The following GRAMD1C variants were observed in gnomAD, a reference collection of about 807,000 sequenced individuals.
GRAMD1C encodes the protein protein Aster-C.
Under a neutral mutation model 97.8 loss-of-function variants are expected in GRAMD1C, and 89 were observed. The ratio of observed to expected loss-of-function variants is 0.91; its 90% CI spans 0.77 to 1.09. The LOEUF (loss-of-function observed/expected upper bound fraction) is 1.09, where lower values mean the gene tolerates loss of function less well. GRAMD1C is among the 50% of genes least tolerant of loss of function. GRAMD1C has a pLI of 0.00. For synonymous variants in GRAMD1C, 256 were observed against 267.0 expected, an observed-to-expected ratio of 0.96 and a Z score of 0.40; for missense variants, 740 against 766.4, an observed-to-expected ratio of 0.97 and a Z score of 0.41.
intron 13 of GRAMD1C, among the ~76,000 whole-genome samples, chr3:113,935,006 G>C (rs1300122036): frequency 6.6e-6 from 1 of 152,140 alleles, no homozygotes; most frequent in Admixed American, 6.6e-5. Flanking sequence ...CTCCCAAAAT[G>C]CTGGGATTAC....
At chr3:113,913,566 G>T (rs930853959) in intron 9 of GRAMD1C, among the ~76,000 whole-genome samples, 1 of 152,084 alleles carries the variant, frequency 6.6e-6, no homozygotes, top group Non-Finnish European at 1.5e-5. Flanking sequence ...TTGCACAGGA[G>T]CTCTGATCAC....
At chr3:113,925,292 A>AT (rs1937195207) in intron 10 of GRAMD1C, among the ~76,000 whole-genome samples, 1 of 152,190 alleles carries the variant, frequency 6.6e-6, no homozygotes, top group Non-Finnish European at 1.5e-5. Flanking sequence ...GATCGAGACC[A>AT]TCCTGGCTAA....
intron 3 of GRAMD1C, among the ~76,000 whole-genome samples, chr3:113,872,643 C>T (rs1232409815): frequency 6.6e-6 from 1 of 151,100 alleles, no homozygotes; most frequent in Non-Finnish European, 1.5e-5. Flanking sequence ...GATCTTCCTG[C>T]CTTGGCCTCC....
At chr3:113,933,922 A>C (rs1301345551) in intron 12 of GRAMD1C, among the ~76,000 whole-genome samples, 2 of 152,174 alleles carry the variant, frequency 1.3e-5, no homozygotes, top group Non-Finnish European at 2.9e-5. Flanking sequence ...CAATCCATTG[A>C]CCAGAACCAG....
intron 5 of GRAMD1C, among the ~76,000 whole-genome samples, chr3:113,880,972 CTAA>C (rs1031327892): frequency 1.3e-5 from 2 of 152,018 alleles, no homozygotes; most frequent in African/African-American, 4.8e-5. Flanking sequence ...TTCTGTACTA[CTAA>C]ATATTCACCC....
chr3:113,915,904 C>T, intron 10 of GRAMD1C, 66 bp downstream of exon 10: 2 of 1,199,026 alleles, frequency 1.7e-6, no homozygotes, highest in Non-Finnish European at 1.2e-6. Flanking sequence ...GAATATTGAG[C>T]ATATATAAAC....
chr3:113,909,644 T>G (rs1337041692), intron 9 of GRAMD1C, among the ~76,000 whole-genome samples: 6 of 152,176 alleles, frequency 3.9e-5, no homozygotes, highest in African/African-American at 1.4e-4. Flanking sequence ...CTTAGCAAGG[T>G]TTTTCTAAAC....
chr3:113,915,625 C>T (rs1304527321), intron 9 of GRAMD1C, 76 bp from the exon 10 acceptor site: 24 of 1,161,492 alleles, frequency 2.1e-5, no homozygotes, highest in Non-Finnish European at 2.5e-5. Flanking sequence ...AAAGAAAACC[C>T]CACGAAACCC....
In GRAMD1C at chr3:113,932,239, T is replaced by C. The variant is rs1425019287; in HGVS notation, c.1210-1272T>C. Among the ~76,000 whole-genome samples, 3 of 152,186 alleles carry C rather than the reference T, an allele frequency of 2.0e-5. No individual in the cohort carries two copies. The East Asian group carries it at 5.8e-4, about 29-fold the overall frequency. On this transcript the variant is annotated intron_variant, in intron 11 of 17. Coordinates refer to ENST00000358160, the MANE Select transcript of GRAMD1C (RefSeq NM_017577.5). ...AAGAGCAAACAAATGGACAAAACAA[T>C]AGTTTTGTTCATTATCATTAAAAAG...
At chr3:113,905,648 TATA>T (rs1000433257) in intron 8 of GRAMD1C, among the ~76,000 whole-genome samples, 3 of 152,270 alleles carry the variant, frequency 2.0e-5, no homozygotes, top group Non-Finnish European at 2.9e-5. Context: ...TCATGCTCTG[TATA>T]ATGTTTTGGT....
chr3:113,891,189 A>G (rs986549277), intron 6 of GRAMD1C, among the ~76,000 whole-genome samples: 2 of 152,232 alleles, frequency 1.3e-5, no homozygotes, highest in African/African-American at 4.8e-5. Flanking sequence ...GTTTAAGCAT[A>G]TATTATGTGT....
chr3:113,830,925 T>A (rs1225808264), intron 1 of GRAMD1C, among the ~76,000 whole-genome samples: 1 of 152,030 alleles, frequency 6.6e-6, no homozygotes, highest in Non-Finnish European at 1.5e-5. Flanking sequence ...AAAAACCCCA[T>A]CTCTACTAAA....
intron 14 of GRAMD1C, among the ~76,000 whole-genome samples, chr3:113,937,485 A>G (rs1444875831): frequency 6.6e-6 from 1 of 152,192 alleles, no homozygotes; most frequent in African/African-American, 2.4e-5. Flanking sequence ...CTTAGCTATC[A>G]AGCATGTTGT....
intron 6 of GRAMD1C, among the ~76,000 whole-genome samples, chr3:113,884,913 C>A (rs1254012502): frequency 2.1e-5 from 3 of 141,760 alleles, no homozygotes; most frequent in African/African-American, 8.0e-5. Flanking sequence ...TCCCCTCCCC[C>A]TCCCTTTTCC....
intron 2 of GRAMD1C, among the ~76,000 whole-genome samples, chr3:113,866,572 T>C (rs1934594990): frequency 6.6e-6 from 1 of 152,244 alleles, no homozygotes; most frequent in Non-Finnish European, 1.5e-5. Flanking sequence ...TTGCTATTTA[T>C]GTTCCATATG....
intron 3 of GRAMD1C, among the ~76,000 whole-genome samples, chr3:113,873,287 A>G (rs1934907163): frequency 6.6e-6 from 1 of 152,020 alleles, no homozygotes; most frequent in African/African-American, 2.4e-5. Flanking sequence ...AGCAACAACA[A>G]AAAACACTCA....
In GRAMD1C at chr3:113,934,433, G is replaced by GTA. The variant is rs1937538641; in HGVS notation, c.1355_1356insAT (p.Ser453PhefsTer5). On this transcript the variant is annotated frameshift_variant and splice_region_variant, in exon 13 of 18. Transcript: ENST00000358160. LOFTEE classifies it high-confidence loss of function. Reference sequence around the variant, plus strand: ...ATTCTTTCCTTCTTATTCTACTAGAGTTTCCACAGATTTGAAATACAGAAA... The same window carrying GTA: ...ATTCTTTCCTTCTTATTCTACTAGAGTATTTCCACAGATTTGAAATACAGAAA... 16 of 1,409,396 alleles carry GTA rather than the reference G, an allele frequency of 1.1e-5. No individual in the cohort carries two copies. The highest frequency in any genetic ancestry group is 1.4e-5 in the African/African-American group (1 of 69,468). The allele number at this position is 1,409,396 out of a possible 1,614,324, so 87.3% of individuals were successfully genotyped here. A position where few individuals can be genotyped will look rare whatever the true frequency, so the allele number is the denominator to read the frequency against.
At chr3:113,930,610 G>C in intron 10 of GRAMD1C, 104 bp from the exon 11 acceptor site, 4 of 666,142 alleles carry the variant, frequency 6.0e-6, no homozygotes, top group Non-Finnish European at 1.1e-5. Context: ...GTTAGCACTA[G>C]TCAAAAATAG....
Position 113,915,731 on chromosome 3 carries a change from G to A in GRAMD1C, c.983G>A (p.Arg328Lys), listed in dbSNP as rs1936787301. 6.2e-7 allele frequency: 1 copy of A among 1,609,476 alleles called. No individual in the cohort carries two copies. Among genetic ancestry groups the A allele is most frequent in the South Asian group, 1.1e-5 (1 of 90,702 alleles). Residue 328 changes from arginine to lysine, a missense_variant, in exon 10 of 18, where the codon AGA (arginine) becomes AAA (lysine). Transcript: ENST00000358160. The stretch of plus-strand genomic sequence containing the variant: ...GTTCCTGAGAAAGATCTTCATGGAA[G>A]ACTTTTTATCAACCGTATTTTTCAT... ...ENVPEKDLHG[R>K]LFINRIFHIS...
Sources: allele counts gnomAD v4.1 joint callset (sites outside exome capture counted in the v4.1 genomes callset), GRCh38; gene constraint gnomAD v4.1.1; transcripts MANE v1.5; gene names NCBI Gene and HGNC (gene_info 2026-07-23, HGNC 2026-07-21).